Variants in ZNF433 observed in about 807,000 individuals in gnomAD.
ZNF433 encodes the protein zinc finger protein 433.
A neutral mutation model predicts 10.6 loss-of-function variants in ZNF433; 12 were observed. That is an observed-to-expected ratio of 1.13 (90% CI 0.72 to 1.83). The LOEUF is 1.83. Ranked by LOEUF, ZNF433 falls within the 40% of genes most tolerant of loss-of-function variation. The probability of loss-of-function intolerance (pLI) is 0.00; values close to 1 mark genes in which losing one functional copy is unlikely to be tolerated. For synonymous variants in ZNF433, 272 were observed against 271.3 expected, an observed-to-expected ratio of 1.00 and a Z score of -0.02; for missense variants, 737 against 798.0, an observed-to-expected ratio of 0.92 and a Z score of 0.92.
intron 1 of ZNF433, 56 bp downstream of exon 1, chr19:12,035,481 C>G: frequency 1.3e-6 from 2 of 1,554,466 alleles, no homozygotes; most frequent in Non-Finnish European, 1.7e-6. Flanking sequence ...CAGCCGGTTC[C>G]GGCCGGTTCC....
At chr19:12,021,884 C>A (rs1974512098) in intron 1 of ZNF433, 1 of 446,346 alleles carries the variant, frequency 2.2e-6, no homozygotes, top group Admixed American at 2.4e-5. Flanking sequence ...AGATAGGGGA[C>A]TGTGGGTGCA....
rs1568328217 is a variant in ZNF433, at chr19:12,015,768, T to C, written c.1090A>G (p.Lys364Glu). ...LGMHTGEISH[K>E]CKICGKAFYS... ...AAGGCTTTCCCACATATCTTACATTTATGAGATATCTCTCCAGTGTGCATT... is the reference window on the plus strand; with the variant it reads ...AAGGCTTTCCCACATATCTTACATTCATGAGATATCTCTCCAGTGTGCATT... The change falls in exon 4 of 4, where the codon AAA becomes GAA. Residue 364 changes from lysine to glutamate, a missense_variant. Coordinates refer to ENST00000550507, the MANE Select transcript of ZNF433 (RefSeq NM_001308348.2). The C allele has an allele frequency of 6.2e-7, 1 of 1,613,912 alleles. No individual in the cohort carries two copies. Among genetic ancestry groups the C allele is most frequent in the Non-Finnish European group, 8.5e-7 (1 of 1,179,966 alleles).
At chr19:12,024,462 A>T (rs1337669713) in intron 1 of ZNF433, 1 of 152,266 alleles carries the variant, frequency 6.6e-6, no homozygotes, top group Non-Finnish European at 1.5e-5. Flanking sequence ...TGCCAGACTT[A>T]TCAATTGAAA....
chr19:12,035,480 C>G (rs1489001881), intron 1 of ZNF433, 57 bp downstream of exon 1: 9 of 1,555,330 alleles, frequency 5.8e-6, no homozygotes, highest in Non-Finnish European at 7.8e-6. Context: ...ACAGCCGGTT[C>G]CGGCCGGTTC....
chr19:12,033,647 C>T (rs998694004), intron 1 of ZNF433, among the ~76,000 whole-genome samples: 5 of 151,870 alleles, frequency 3.3e-5, no homozygotes, highest in Admixed American at 6.6e-5. Flanking sequence ...ACAGTGAAAC[C>T]CCGTCTCTAC....
Position 12,015,537 on chromosome 19 carries a change from G to A in ZNF433, c.1321C>T (p.His441Tyr). The change falls in exon 4 of 4, where the codon CAC becomes TAC. Residue 441 changes from histidine (H) to tyrosine (Y), a missense_variant. By Grantham distance (83) the His-to-Tyr change is moderately conservative. Coordinates refer to ENST00000550507, the MANE Select transcript of ZNF433 (RefSeq NM_001308348.2). ...CATGCATAGGGTTTCTCTCCCGTGTGAGTCCTACCATGTGTTTGAAGGAGT... is the reference window on the plus strand; with the variant it reads ...CATGCATAGGGTTTCTCTCCCGTGTAAGTCCTACCATGTGTTTGAAGGAGT... ...ASLLQTHGRT[H>Y]TGEKPYACKE... is the part of the protein sequence containing the mutation. The A allele has an allele frequency of 6.2e-7, 1 of 1,613,884 alleles. No individual in the cohort carries two copies. Among genetic ancestry groups the A allele is most frequent in the Non-Finnish European group, 8.5e-7 (1 of 1,179,982 alleles).
chr19:12,018,016 A>G (rs1192442474), intron 2 of ZNF433, 80 bp from the exon 3 acceptor site: 1 of 1,285,860 alleles, frequency 7.8e-7, no homozygotes, highest in Non-Finnish European at 1.1e-6. Context: ...TTCATGGTAC[A>G]CTGCAAGCAT....
At chr19:12,031,273 TG>T (rs1281623529) in intron 1 of ZNF433, among the ~76,000 whole-genome samples, 1 of 130,510 alleles carries the variant, frequency 7.7e-6, no homozygotes, top group African/African-American at 3.1e-5. Flanking sequence ...TCCAGCTTGT[TG>T]ATAGAGTGAG....
At chr19:12,028,328 G>A (rs527742450) in intron 1 of ZNF433, among the ~76,000 whole-genome samples, 21 of 152,186 alleles carry the variant, frequency 1.4e-4, no homozygotes, top group South Asian at 6.2e-4. Flanking sequence ...TGGAAGGTTC[G>A]TTACTAAGTA....
In ZNF433 at chr19:12,016,358, T is replaced by TA. The variant is rs1347632822; in HGVS notation, c.499dup (p.Tyr167LeufsTer4). 2 of 1,613,620 alleles carry TA rather than the reference T, an allele frequency of 1.2e-6. No individual in the cohort carries two copies. Among genetic ancestry groups the TA allele is most frequent in the East Asian group, 2.2e-5 (1 of 44,786 alleles). On this transcript the variant is annotated frameshift_variant, in exon 4 of 4. Coordinates refer to ENST00000550507, the MANE Select transcript of ZNF433 (RefSeq NM_001308348.2). LOFTEE classifies it low-confidence loss of function (END_TRUNC). ...TGTTTTTCCGCATTCCTCACAAACA[T>TA]AGAGTTTCCTTCCACTATGAGCCCT...
intron 1 of ZNF433, chr19:12,018,826 C>T (rs576307811): frequency 1.4e-5 from 2 of 146,580 alleles, no homozygotes; most frequent in African/African-American, 2.5e-5. Context: ...AACTCATGAG[C>T]TCTACACTCA....
chr19:12,027,707 G>A (rs1314486067), intron 1 of ZNF433, among the ~76,000 whole-genome samples: 3 of 152,188 alleles, frequency 2.0e-5, no homozygotes. Flanking sequence ...AGCTCTGAAG[G>A]CCGTCAGCCC....
intron 1 of ZNF433, among the ~76,000 whole-genome samples, chr19:12,021,027 C>T (rs890038524): frequency 1.3e-5 from 2 of 148,158 alleles, no homozygotes; most frequent in East Asian, 2.0e-4. Context: ...GCCACCCGGG[C>T]TGGAGAGCAG....
Position 12,016,150 on chromosome 19 carries a change from A to G in ZNF433, c.708T>C (p.Ser236=), listed in dbSNP as rs1441168740. ...KQCGKAFSHS[S]SLRIHERTHT... ...GAGTTCTTTCATGTATTCGAAGGCT[A>G]CTAGAATGACTAAAGGCTTTACCAC... Residue 236 remains serine, a synonymous_variant, in exon 4 of 4, where the codon AGT becomes AGC. Coordinates refer to ENST00000550507, the MANE Select transcript of ZNF433 (RefSeq NM_001308348.2). 3 of 1,614,052 alleles carry G rather than the reference A, an allele frequency of 1.9e-6. No homozygotes were observed. Among genetic ancestry groups the G allele is most frequent in the African/African-American group, 1.3e-5 (1 of 74,918 alleles).
chr19:12,018,375 A>G (rs1321758839), intron 1 of ZNF433, 83 bp from the exon 2 acceptor site: 2 of 1,479,408 alleles, frequency 1.4e-6, no homozygotes, highest in Non-Finnish European at 1.8e-6. Flanking sequence ...AGAGGTTTCC[A>G]TGATGCTGTG....
rs1432314534 is a variant in ZNF433 at position 12,016,519 on chromosome 19, A to G, written c.339T>C (p.His113=). Residue 113 remains histidine (H), a synonymous_variant, in exon 4 of 4, where the codon CAT becomes CAC. Coordinates refer to ENST00000550507, the MANE Select transcript of ZNF433 (RefSeq NM_001308348.2). ...SSVYGEVGSA[H]SSLNRHIRDD... is the part of the protein sequence containing the mutation. The stretch of plus-strand genomic sequence containing the variant: ...CTCTGATGTGCCTATTAAGAGATGA[A>G]TGAGCACTGCCTACTTCTCCATACA... 5 of 1,614,026 alleles carry G rather than the reference A, an allele frequency of 3.1e-6. No individual in the cohort carries two copies. The highest frequency in any genetic ancestry group is 2.2e-5 in the East Asian group (1 of 44,894).
chr19:12,030,647 G>A (rs1184954391), intron 1 of ZNF433, among the ~76,000 whole-genome samples: 1 of 152,188 alleles, frequency 6.6e-6, no homozygotes, highest in Non-Finnish European at 1.5e-5. Context: ...AAGAGAAAAT[G>A]ATATTAACAG....
At chr19:12,035,299 G>A (rs1659007288) in intron 1 of ZNF433, among the ~76,000 whole-genome samples, 3 of 152,192 alleles carry the variant, frequency 2.0e-5, no homozygotes, top group African/African-American at 4.8e-5. Flanking sequence ...GCTGCCCAGA[G>A]AGGGCTCTGG....
At chr19:12,029,603 C>G (rs1013188749) in intron 1 of ZNF433, among the ~76,000 whole-genome samples, 4 of 145,434 alleles carry the variant, frequency 2.8e-5, no homozygotes, top group African/African-American at 1.0e-4. Context: ...TAAATGTTTG[C>G]ATTTTCCCAC....
Sources: gnomAD v4.1 joint callset for allele counts (sites outside exome capture counted in the v4.1 genomes callset) on GRCh38, gnomAD v4.1.1 for gene constraint, MANE v1.5 for transcripts, NCBI Gene and HGNC (gene_info 2026-07-23, HGNC 2026-07-21) for gene names.